Variants in PGCKA1 observed in about 807,000 individuals in gnomAD.
PGCKA1 encodes the protein PDCD10 and GCKIII kinases-associated protein 1.
At chr4:37,472,330 T>C in the PGCKA1 span, among the ~76,000 whole-genome samples, 1 of 152,200 alleles carries the variant, frequency 6.6e-6, no homozygotes, top group Non-Finnish European at 1.5e-5. Context: ...TTCCATCCTC[T>C]GGGATATTGC....
At chr4:37,592,903 G>T in the PGCKA1 span, among the ~76,000 whole-genome samples, 2 of 152,314 alleles carry the variant, frequency 1.3e-5, no homozygotes, top group African/African-American at 4.8e-5. Flanking sequence ...CTAAAACTGG[G>T]AAGTATGTAT....
chr4:37,545,517 T>C, the PGCKA1 span, among the ~76,000 whole-genome samples: 1 of 152,244 alleles, frequency 6.6e-6, no homozygotes, highest in Non-Finnish European at 1.5e-5. Flanking sequence ...CACTCTTACT[T>C]TCCTTGGGAC....
chr4:37,529,976 G>A, the PGCKA1 span, among the ~76,000 whole-genome samples: 7 of 151,976 alleles, frequency 4.6e-5, no homozygotes, highest in South Asian at 1.2e-3. Context: ...GTTTTGCTTT[G>A]TTCTTTAAAT....
the PGCKA1 span, among the ~76,000 whole-genome samples, chr4:37,561,145 C>T: frequency 6.6e-6 from 1 of 152,286 alleles, no homozygotes; most frequent in East Asian, 1.9e-4. Flanking sequence ...ATCTCTGAGG[C>T]ACCTGACACT....
the PGCKA1 span, among the ~76,000 whole-genome samples, chr4:37,462,419 T>A: frequency 3.9e-5 from 6 of 152,232 alleles, no homozygotes; most frequent in South Asian, 2.1e-4. Flanking sequence ...TTGGAGGAGA[T>A]TATCAAACTG....
chr4:37,566,906 CT>C, the PGCKA1 span, among the ~76,000 whole-genome samples: 1 of 152,090 alleles, frequency 6.6e-6, no homozygotes, highest in Non-Finnish European at 1.5e-5. Flanking sequence ...GTACCAAGTC[CT>C]TCTCTTGAGA....
chr4:37,474,366 ATC>A, the PGCKA1 span, among the ~76,000 whole-genome samples: 6 of 152,020 alleles, frequency 3.9e-5, no homozygotes, highest in African/African-American at 1.5e-4. Context: ...ACTGTAATAA[ATC>A]TCTGTTATTT....
chr4:37,583,581 C>T, the PGCKA1 span, among the ~76,000 whole-genome samples: 68 of 152,142 alleles, frequency 4.5e-4, 1 homozygote, highest in African/African-American at 1.3e-3. Flanking sequence ...GGACTACAGG[C>T]GCCCACCACC....
chr4:37,559,765 C>G, the PGCKA1 span, among the ~76,000 whole-genome samples: 3 of 152,092 alleles, frequency 2.0e-5, no homozygotes, highest in African/African-American at 7.2e-5. Context: ...CTCTCTGAGT[C>G]TCCTTCCCAA....
chr4:37,458,868 C>T, the PGCKA1 span, among the ~76,000 whole-genome samples: 1 of 152,200 alleles, frequency 6.6e-6, no homozygotes, highest in Non-Finnish European at 1.5e-5. Context: ...TTATAATATA[C>T]ACCTCGTACC....
At chr4:37,496,385 T>C in the PGCKA1 span, among the ~76,000 whole-genome samples, 2 of 152,222 alleles carry the variant, frequency 1.3e-5, no homozygotes, top group Admixed American at 1.3e-4. Context: ...CATGTTTTTG[T>C]CAGCTTTATC....
the PGCKA1 span, among the ~76,000 whole-genome samples, chr4:37,587,723 C>T: frequency 6.6e-6 from 1 of 152,172 alleles, no homozygotes; most frequent in Admixed American, 6.5e-5. Flanking sequence ...AATCCCAGAC[C>T]TTTGAGAGGC....
the PGCKA1 span, among the ~76,000 whole-genome samples, chr4:37,539,100 T>G: frequency 7.2e-5 from 11 of 152,112 alleles, no homozygotes; most frequent in African/African-American, 2.4e-4. Context: ...AAGCCAGAGA[T>G]TCACTCCTTA....
At chr4:37,473,210 C>A in the PGCKA1 span, among the ~76,000 whole-genome samples, 1 of 151,870 alleles carries the variant, frequency 6.6e-6, no homozygotes, top group Non-Finnish European at 1.5e-5. Flanking sequence ...AGTGTTCTAA[C>A]CATGGGAAAA....
At chr4:37,457,329 A>C in the PGCKA1 span, among the ~76,000 whole-genome samples, 36,717 of 152,146 alleles carry the variant, frequency 0.24, 4,776 homozygotes, top group East Asian at 0.54. Flanking sequence ...TCAGTTGACC[A>C]CAACATGGCC....
the PGCKA1 span, among the ~76,000 whole-genome samples, chr4:37,470,240 GA>G: frequency 6.6e-6 from 1 of 152,038 alleles, no homozygotes; most frequent in African/African-American, 2.4e-5. Flanking sequence ...AGAAATGTAA[GA>G]AAAAAATCAA....
the PGCKA1 span, among the ~76,000 whole-genome samples, chr4:37,512,749 T>C: frequency 2.0e-5 from 3 of 151,964 alleles, no homozygotes; most frequent in Admixed American, 1.3e-4. Context: ...CCACCGCGTC[T>C]GGCCAAAGGT....
chr4:37,541,046 A>C, the PGCKA1 span, among the ~76,000 whole-genome samples: 2 of 147,334 alleles, frequency 1.4e-5, no homozygotes, highest in Non-Finnish European at 3.0e-5. Flanking sequence ...TCTGCAGAGA[A>C]GTCCCAGGCT....
At chr4:37,530,356 G>A in the PGCKA1 span, among the ~76,000 whole-genome samples, 2 of 152,154 alleles carry the variant, frequency 1.3e-5, no homozygotes, top group Non-Finnish European at 2.9e-5. Context: ...TGAATCATTT[G>A]AGGTCAGGAG....
Sources: gnomAD v4.1 joint callset for allele counts (sites outside exome capture counted in the v4.1 genomes callset) on GRCh38, gnomAD v4.1.1 for gene constraint, MANE v1.5 for transcripts, NCBI Gene and HGNC (gene_info 2026-07-23, HGNC 2026-07-21) for gene names.